IGSF11: variants seen among roughly 807,000 people sequenced by gnomAD.
The protein encoded by IGSF11 is CXADR like 1.
IGSF11 carries 22 observed loss-of-function variants against 41.0 expected under a neutral mutation model. That is an observed-to-expected ratio of 0.54 (90% CI 0.38 to 0.77). IGSF11 has a LOEUF of 0.77. Ranked by LOEUF, IGSF11 falls within the 30% of genes least tolerant of loss-of-function variation. The pLI is 0.00. For missense variants in IGSF11, 444 were observed against 530.8 expected, an observed-to-expected ratio of 0.84 and a Z score of 1.61; for synonymous variants, 219 against 201.3, an observed-to-expected ratio of 1.09 and a Z score of -0.74.
At chr3:118,952,267 G>T (rs972917202) in intron 1 of IGSF11, among the ~76,000 whole-genome samples, 4 of 152,146 alleles carry the variant, frequency 2.6e-5, no homozygotes, top group Non-Finnish European at 5.9e-5. Flanking sequence ...AATGGTTACT[G>T]ACAGCTTGTG....
chr3:118,921,886 A>C (rs2866317), intron 4 of IGSF11, among the ~76,000 whole-genome samples: 47,088 of 151,994 alleles, frequency 0.31, 10,801 homozygotes, highest in African/African-American at 0.64. Context: ...GGCAAATTTT[A>C]GTAGGCAAAT....
intron 4 of IGSF11, among the ~76,000 whole-genome samples, chr3:118,911,703 G>C (rs1218949793): frequency 6.6e-6 from 1 of 151,908 alleles, no homozygotes; most frequent in Non-Finnish European, 1.5e-5. Context: ...TAGAAAGTGA[G>C]AGAGAGGAGA....
intron 1 of IGSF11, among the ~76,000 whole-genome samples, chr3:119,001,453 T>C (rs1279808439): frequency 7.0e-6 from 1 of 141,870 alleles, no homozygotes; most frequent in East Asian, 2.0e-4. Context: ...TGTTTTTTTC[T>C]GGCCCCAGGT....
At chr3:119,035,722 A>G (rs1326607441), upstream of IGSF11, among the ~76,000 whole-genome samples, 2 of 152,166 alleles carry the variant, frequency 1.3e-5, no homozygotes, top group Non-Finnish European at 2.9e-5. Context: ...TGTAAAACCT[A>G]TCTTTATTCT....
chr3:119,111,333 C>T (rs1019753485), intron 1 of IGSF11, among the ~76,000 whole-genome samples: 1 of 152,156 alleles, frequency 6.6e-6, no homozygotes, highest in Non-Finnish European at 1.5e-5. Context: ...TGCTTCATTT[C>T]ATTCATTTCA....
intron 1 of IGSF11, among the ~76,000 whole-genome samples, chr3:119,045,685 G>C (rs1329196086): frequency 6.6e-6 from 1 of 151,924 alleles, no homozygotes; most frequent in Non-Finnish European, 1.5e-5. Context: ...TCCACCTCTG[G>C]GGGCAGGGCA....
intron 1 of IGSF11, among the ~76,000 whole-genome samples, chr3:119,111,794 A>G (rs1019648931): frequency 6.6e-6 from 1 of 151,702 alleles, no homozygotes; most frequent in Non-Finnish European, 1.5e-5. Flanking sequence ...TCTGTTTGTT[A>G]GTTTTCCTTC....
At chr3:119,005,562 T>C (rs2107682044) in intron 1 of IGSF11, among the ~76,000 whole-genome samples, 2 of 131,704 alleles carry the variant, frequency 1.5e-5, no homozygotes, top group South Asian at 5.3e-4. Flanking sequence ...CTAGTCTCGA[T>C]GGTCTTTACA....
In IGSF11 at chr3:118,956,286, T is replaced by G. The variant is rs180857437; in HGVS notation, c.53-26011A>C. On this transcript the variant is annotated intron_variant, in intron 1 of 6. Transcript: ENST00000393775. ...GGCTGTTTCACTCTCTTATAAGTTG[T>G]GTGTTCACTGGAGTATCACTTCTAA... 2.7e-3 allele frequency among the ~76,000 whole-genome samples: 415 copies of G among 152,354 alleles called. 3 individuals carry two copies. Among genetic ancestry groups the G allele is most frequent in the African/African-American group, 9.5e-3 (396 of 41,582 alleles).
At chr3:118,983,447 G>C (rs922762660) in intron 1 of IGSF11, 3 of 152,162 alleles carry the variant, frequency 2.0e-5, no homozygotes, top group African/African-American at 7.2e-5. Context: ...AATATGTGTA[G>C]AGCTGTCATA....
intron 1 of IGSF11, among the ~76,000 whole-genome samples, chr3:119,138,621 G>A (rs1370929808): frequency 6.6e-6 from 1 of 152,142 alleles, no homozygotes; most frequent in African/African-American, 2.4e-5. Flanking sequence ...GGAGGTGGAG[G>A]TTACAGTGAG....
intron 1 of IGSF11, among the ~76,000 whole-genome samples, chr3:118,930,571 G>A (rs1382142582): frequency 6.6e-6 from 1 of 152,108 alleles, no homozygotes; most frequent in Non-Finnish European, 1.5e-5. Context: ...CAACTGATGG[G>A]GTTTGATGAA....
chr3:118,987,127 G>A (rs1379048333), intron 1 of IGSF11, among the ~76,000 whole-genome samples: 5 of 152,188 alleles, frequency 3.3e-5, no homozygotes, highest in African/African-American at 9.7e-5. Context: ...AATACAACTG[G>A]AAGTACTAAC....
intron 1 of IGSF11, among the ~76,000 whole-genome samples, chr3:119,017,144 G>C (rs942178573): frequency 1.3e-5 from 2 of 150,772 alleles, no homozygotes; most frequent in Non-Finnish European, 2.9e-5. Flanking sequence ...CCAGAAAAAA[G>C]AAGAGTAAGC....
At chr3:118,970,018 C>T (rs1444337362) in intron 1 of IGSF11, among the ~76,000 whole-genome samples, 1 of 152,124 alleles carries the variant, frequency 6.6e-6, no homozygotes, top group Non-Finnish European at 1.5e-5. Flanking sequence ...GTTATCCTTG[C>T]CATGGGAAAT....
intron 4 of IGSF11, among the ~76,000 whole-genome samples, chr3:118,923,074 C>T (rs1351174617): frequency 5.3e-5 from 8 of 152,138 alleles, no homozygotes; most frequent in African/African-American, 1.9e-4. Flanking sequence ...TCCGGGTTCT[C>T]TCAGCTGACG....
chr3:119,119,765 G>T (rs532768692), intron 1 of IGSF11, among the ~76,000 whole-genome samples: 9 of 152,168 alleles, frequency 5.9e-5, no homozygotes, highest in Non-Finnish European at 1.3e-4. Flanking sequence ...CTTAGCAGGT[G>T]GGGGAGGGGG....
rs1576839484 is a variant in IGSF11, at chr3:119,135,664, A to C, written c.-14+10149T>G. 3.9e-5 allele frequency among the ~76,000 whole-genome samples: 6 copies of C among 152,354 alleles called. No individual in the cohort carries two copies. In the South Asian group the frequency reaches 8.3e-4, roughly 21 times the overall value. On this transcript the variant is annotated intron_variant, in intron 1 of 7. Coordinates refer to the IGSF11 transcript ENST00000425327. The stretch of plus-strand genomic sequence containing the variant: ...GTGGAAGACAGTGTGGCAATTCCTC[A>C]GGGATCTAGAACTAGAAATACCATT...
intron 1 of IGSF11, among the ~76,000 whole-genome samples, chr3:119,004,392 G>A (rs2107679101): frequency 6.6e-6 from 1 of 151,384 alleles, no homozygotes; most frequent in Admixed American, 6.6e-5. Context: ...TATCAATTTT[G>A]TTGATCCTTT....
Sources: allele counts gnomAD v4.1 joint callset (sites outside exome capture counted in the v4.1 genomes callset), GRCh38; gene constraint gnomAD v4.1.1; transcripts MANE v1.5; gene names NCBI Gene and HGNC (gene_info 2026-07-23, HGNC 2026-07-21).